The following SNX29 variants were observed in gnomAD, a reference collection of about 807,000 sequenced individuals.
SNX29 encodes the protein sorting nexin 29.
SNX29 carries 78 observed loss-of-function variants against 102.1 expected under a neutral mutation model. The observed-to-expected ratio is 0.76, with a 90% confidence interval of 0.64 to 0.92. The LOEUF (loss-of-function observed/expected upper bound fraction) is 0.92. Ranked by LOEUF, SNX29 falls within the 40% of genes least tolerant of loss-of-function variation. SNX29 has a pLI of 0.00. For missense variants in SNX29, 1,280 were observed against 1,061.7 expected (o/e 1.21, Z -2.86); for synonymous variants, 580 against 414.5 (o/e 1.40, Z -4.85).
chr16:12,283,283 A>C (rs1289766187), intron 15 of SNX29, among the ~76,000 whole-genome samples: 1 of 151,524 alleles, frequency 6.6e-6, no homozygotes, highest in Non-Finnish European at 1.5e-5. Flanking sequence ...ACATCCCTGA[A>C]ATGGCATTGA....
intron 4 of SNX29, among the ~76,000 whole-genome samples, chr16:12,038,485 C>T (rs1027089962): frequency 3.9e-5 from 6 of 152,230 alleles, no homozygotes; most frequent in Admixed American, 1.3e-4. Context: ...AGCCCTTGCC[C>T]GCTTTTTGAC....
intron 18 of SNX29, among the ~76,000 whole-genome samples, chr16:12,409,990 GTTGTT>G (rs2084331010): frequency 6.6e-6 from 1 of 151,726 alleles, no homozygotes; most frequent in South Asian, 2.1e-4. Context: ...TTTTTTTGTT[GTTGTT>G]TTGTTTTGTT....
chr16:12,409,236 T>C (rs544543830), intron 18 of SNX29, among the ~76,000 whole-genome samples: 1 of 152,328 alleles, frequency 6.6e-6, no homozygotes, highest in Admixed American at 6.5e-5. Flanking sequence ...TTAAACTCAA[T>C]CCAGTACCTT....
intron 9 of SNX29, among the ~76,000 whole-genome samples, chr16:12,067,777 C>T (rs369355328): frequency 1.3e-5 from 2 of 152,174 alleles, no homozygotes; most frequent in Non-Finnish European, 2.9e-5. Flanking sequence ...CGTGAGCCAC[C>T]GCGCCTGGCC....
intron 14 of SNX29, among the ~76,000 whole-genome samples, chr16:12,243,964 A>C (rs113342888): frequency 6.6e-6 from 1 of 152,280 alleles, no homozygotes; most frequent in African/African-American, 2.4e-5. Flanking sequence ...TCACCAATAA[A>C]ATTACTCTAC....
At chr16:12,416,388 G>A (rs912127626) in intron 18 of SNX29, among the ~76,000 whole-genome samples, 3 of 152,186 alleles carry the variant, frequency 2.0e-5, no homozygotes, top group African/African-American at 7.2e-5. Context: ...TAACAATGAC[G>A]TATATTTCAA....
At chr16:12,193,980 G>T (rs1241519502) in intron 13 of SNX29, among the ~76,000 whole-genome samples, 1 of 152,138 alleles carries the variant, frequency 6.6e-6, no homozygotes, top group Non-Finnish European at 1.5e-5. Flanking sequence ...TAGTTTCTTT[G>T]TCTTTCCATA....
chr16:12,343,466 G>GC (rs2151266399), intron 15 of SNX29, among the ~76,000 whole-genome samples: 1 of 152,322 alleles, frequency 6.6e-6, no homozygotes, highest in South Asian at 2.1e-4. Context: ...ATACGATGGA[G>GC]CCCCACTTTA....
At chr16:12,331,590 G>T (rs1375029851) in intron 15 of SNX29, among the ~76,000 whole-genome samples, 2 of 152,050 alleles carry the variant, frequency 1.3e-5, no homozygotes, top group Non-Finnish European at 1.5e-5. Context: ...TCACTCTGTT[G>T]CCCAGGCTGG....
At chr16:12,066,526 G>T (rs1220811906) in intron 9 of SNX29, among the ~76,000 whole-genome samples, 1 of 152,192 alleles carries the variant, frequency 6.6e-6, no homozygotes, top group Non-Finnish European at 1.5e-5. Flanking sequence ...TGAGATTCAA[G>T]ACAGGTCTGG....
intron 15 of SNX29, among the ~76,000 whole-genome samples, chr16:12,325,567 CAGGT>C (rs2081088759): frequency 6.6e-6 from 1 of 152,134 alleles, no homozygotes; most frequent in African/African-American, 2.4e-5. Context: ...CCATTGTTCT[CAGGT>C]AGTGAAGCAG....
chr16:12,510,818 C>T (rs2089583832), intron 19 of SNX29, among the ~76,000 whole-genome samples: 2 of 152,120 alleles, frequency 1.3e-5, no homozygotes, highest in African/African-American at 2.4e-5. Context: ...ATAGAGCCCA[C>T]AGCTTTCCTG....
At chr16:12,457,865 G>T (rs1398955947) in intron 18 of SNX29, among the ~76,000 whole-genome samples, 5 of 152,208 alleles carry the variant, frequency 3.3e-5, no homozygotes, top group Non-Finnish European at 7.3e-5. Flanking sequence ...TCTGCATACG[G>T]GTGCAATTTG....
intron 4 of SNX29, among the ~76,000 whole-genome samples, chr16:12,033,678 C>G (rs1217008782): frequency 6.6e-6 from 1 of 151,108 alleles, no homozygotes; most frequent in African/African-American, 2.4e-5. Context: ...GCAATCTTGG[C>G]CCACTGCAGC....
At chr16:11,982,341 C>T (rs921363432) in intron 1 of SNX29, among the ~76,000 whole-genome samples, 3 of 151,400 alleles carry the variant, frequency 2.0e-5, no homozygotes, top group South Asian at 4.2e-4. Flanking sequence ...AAGTAGAACT[C>T]GTAGAGCCAG....
chr16:12,026,916 C>G (rs1271262636), intron 3 of SNX29, among the ~76,000 whole-genome samples: 6 of 152,170 alleles, frequency 3.9e-5, no homozygotes, highest in East Asian at 3.8e-4. Flanking sequence ...GTTCCTTAAA[C>G]TACATGTAAT....
chr16:12,554,885 G>T (rs765305628), intron 20 of SNX29, among the ~76,000 whole-genome samples: 1 of 152,170 alleles, frequency 6.6e-6, no homozygotes, highest in African/African-American at 2.4e-5. Context: ...ATGTCAGCAT[G>T]CCATACAGGA....
rs34590499 is a variant in SNX29, at chr16:12,275,692, C to CT, written c.1679-2228dup. On this transcript the variant is annotated intron_variant, in intron 14 of 20. Coordinates refer to ENST00000566228, the MANE Select transcript of SNX29 (RefSeq NM_032167.5). Reference sequence around the variant, plus strand: ...TGTTTTTTTTGTTTCCTCTCCAATTCTTTTTTTTTTTTTGTGAGCGATGTC... The same window carrying CT: ...TGTTTTTTTTGTTTCCTCTCCAATTCTTTTTTTTTTTTTTGTGAGCGATGTC... 3.2e-4 allele frequency among the ~76,000 whole-genome samples: 45 copies of CT among 139,508 alleles called. 1 individual carries two copies. The highest frequency in any genetic ancestry group is 9.8e-4 in the African/African-American group (37 of 37,944). 91.5% of individuals were successfully genotyped at this position (139,508 alleles called of 152,430 possible).
At chr16:12,156,883 C>G (rs909753250) in intron 13 of SNX29, among the ~76,000 whole-genome samples, 5 of 151,876 alleles carry the variant, frequency 3.3e-5, no homozygotes, top group African/African-American at 1.2e-4. Flanking sequence ...GATGCATGAC[C>G]AAGGACCAGG....
Sources: allele counts gnomAD v4.1 joint callset (sites outside exome capture counted in the v4.1 genomes callset), GRCh38; gene constraint gnomAD v4.1.1; transcripts MANE v1.5; gene names NCBI Gene and HGNC (gene_info 2026-07-23, HGNC 2026-07-21).